The following TMEM232 variants were observed in gnomAD, a reference collection of about 807,000 sequenced individuals.
TMEM232 encodes transmembrane protein 232.
In TMEM232, 80 loss-of-function variants were observed where a neutral mutation model predicts 78.8. The observed-to-expected ratio is 1.01, with a 90% CI of 0.85 to 1.22. The LOEUF is 1.22. Ranked by LOEUF, TMEM232 falls within the 50% of genes most tolerant of loss-of-function variation. The probability of loss-of-function intolerance (pLI) is 0.00; values close to 1 mark genes in which losing one functional copy is unlikely to be tolerated. For missense variants in TMEM232, 881 were observed against 742.2 expected, an observed-to-expected ratio of 1.19 and a Z score of -2.17; for synonymous variants, 297 against 254.3, an observed-to-expected ratio of 1.17 and a Z score of -1.60.
At chr5:110,696,857 A>C (rs1326780879) in intron 1 of TMEM232, among the ~76,000 whole-genome samples, 1 of 152,172 alleles carries the variant, frequency 6.6e-6, no homozygotes, top group East Asian at 1.9e-4. Context: ...AATATCATGA[A>C]GATGGCCATA....
At chr5:110,407,297 A>G (rs958851440) in intron 2 of TMEM232, among the ~76,000 whole-genome samples, 2 of 152,110 alleles carry the variant, frequency 1.3e-5, no homozygotes, top group African/African-American at 4.8e-5. Flanking sequence ...TTGCCTCAAG[A>G]AACCCACATA....
intron 11 of TMEM232, among the ~76,000 whole-genome samples, chr5:110,529,874 T>A (rs572245453): frequency 6.6e-6 from 1 of 152,320 alleles, no homozygotes; most frequent in East Asian, 1.9e-4. Context: ...ATGTTACAAC[T>A]TTTTTATGTT....
intron 1 of TMEM232, among the ~76,000 whole-genome samples, chr5:110,718,013 T>A (rs1387211446): frequency 6.6e-6 from 1 of 152,144 alleles, no homozygotes; most frequent in East Asian, 1.9e-4. Context: ...ATATTGAATA[T>A]TTTTCTTAGA....
At chr5:110,728,103 C>T (rs985944072), upstream of TMEM232, among the ~76,000 whole-genome samples, 2 of 151,974 alleles carry the variant, frequency 1.3e-5, no homozygotes, top group African/African-American at 4.8e-5. Flanking sequence ...AAAAATTCTT[C>T]TCCATAATAT....
chr5:110,535,225 A>C lies in TMEM232; in HGVS notation c.1456-6390T>G, dbSNP rs183774862. 7.2e-3 allele frequency among the ~76,000 whole-genome samples: 1,092 copies of C among 152,110 alleles called. 12 individuals are homozygous for C. Among genetic ancestry groups the C allele is most frequent in the African/African-American group, 0.024 (1,013 of 41,522 alleles). The stretch of plus-strand genomic sequence containing the variant: ...ACTGATGACATTCCACCACAAAAGA[A>C]GTGAAAATGGCCTGTTCCTGCCTTA... On this transcript the variant is annotated intron_variant, in intron 11 of 13. Coordinates refer to ENST00000455884, the MANE Select transcript of TMEM232 (RefSeq NM_001039763.4).
chr5:110,477,510 TTGAAATA>T (rs1763378958), intron 12 of TMEM232, among the ~76,000 whole-genome samples: 1 of 151,998 alleles, frequency 6.6e-6, no homozygotes, highest in East Asian at 1.9e-4. Context: ...TGTCAGCAAG[TTGAAATA>T]TGAAAGTATA....
At chr5:110,526,837 T>C (rs1008044168) in intron 12 of TMEM232, among the ~76,000 whole-genome samples, 11 of 151,846 alleles carry the variant, frequency 7.2e-5, no homozygotes, top group Admixed American at 6.6e-4. Context: ...AAATAAATTA[T>C]GATATATCCA....
At chr5:110,738,442 G>GT (rs1319482007), upstream of TMEM232, among the ~76,000 whole-genome samples, 1 of 152,116 alleles carries the variant, frequency 6.6e-6, no homozygotes, top group Non-Finnish European at 1.5e-5. Context: ...CAGTATTCGA[G>GT]TACGTGGGTT....
At position 110,420,535 on chromosome 5, in the gene TMEM232, T is replaced by G. The variant is rs922668835; in HGVS notation, c.*45A>C. 40 of 1,218,846 alleles carry G rather than the reference T, an allele frequency of 3.3e-5. No individual in the cohort carries two copies. Among genetic ancestry groups the G allele is most frequent in the Non-Finnish European group, 5.4e-6 (5 of 927,960 alleles). The allele number at this position is 1,218,846 out of a possible 1,614,324, so 75.5% of individuals were successfully genotyped here. On this transcript the variant is annotated 3_prime_UTR_variant, in exon 14 of 14. Coordinates refer to ENST00000455884, the MANE Select transcript of TMEM232 (RefSeq NM_001039763.4). Reference sequence around the variant, plus strand: ...TGGTATTTTTCATCCTATGTATTTCTGCCATGTAGTCCTCAATTTTGGGAG... The same window carrying G: ...TGGTATTTTTCATCCTATGTATTTCGGCCATGTAGTCCTCAATTTTGGGAG...
chr5:110,706,008 T>G (rs1278342495), intron 1 of TMEM232, among the ~76,000 whole-genome samples: 2 of 152,006 alleles, frequency 1.3e-5, no homozygotes, highest in African/African-American at 4.8e-5. Flanking sequence ...ATATTTGATT[T>G]AAATTAAACG....
rs540517209 is a variant in TMEM232 at position 110,565,567 on chromosome 5, A to AG, written c.1455+2879_1455+2880insC. On this transcript the variant is annotated intron_variant, in intron 11 of 13. Transcript: ENST00000455884. ...AAAAATAAGAAAACTAAGGCTGAGGAATAACTTGTTCCAAGTCCCATCTGA... is the reference window on the plus strand; with the variant it reads ...AAAAATAAGAAAACTAAGGCTGAGGAGATAACTTGTTCCAAGTCCCATCTGA... Among the ~76,000 whole-genome samples, 17 of 152,110 alleles carry AG rather than the reference A, an allele frequency of 1.1e-4. No homozygotes were observed. The South Asian group carries it at 3.5e-3, about 32-fold the overall frequency.
chr5:110,693,075 T>C (rs1794331230), intron 1 of TMEM232, among the ~76,000 whole-genome samples: 1 of 152,030 alleles, frequency 6.6e-6, no homozygotes, highest in Non-Finnish European at 1.5e-5. Flanking sequence ...GTCTGACACC[T>C]CACATGGCCG....
chr5:110,468,147 G>A (rs951832441), intron 12 of TMEM232, among the ~76,000 whole-genome samples: 2 of 151,732 alleles, frequency 1.3e-5, no homozygotes, highest in Non-Finnish European at 2.9e-5. Flanking sequence ...ATAAAAAAAA[G>A]ATATATTACA....
chr5:110,401,825 C>T (rs1755612231), intron 2 of TMEM232, among the ~76,000 whole-genome samples: 1 of 151,992 alleles, frequency 6.6e-6, no homozygotes, highest in Non-Finnish European at 1.5e-5. Context: ...TAGAAAACAT[C>T]AGAAGATATA....
chr5:110,726,108 T>TCACACA (rs3985014), intron 1 of TMEM232, among the ~76,000 whole-genome samples: 9,280 of 144,558 alleles, frequency 0.064, 831 homozygotes, highest in African/African-American at 0.2. Flanking sequence ...CCTCTCTCTT[T>TCACACA]CACACACACA....
At chr5:110,706,059 T>C (rs147056573) in intron 1 of TMEM232, among the ~76,000 whole-genome samples, 117 of 152,078 alleles carry the variant, frequency 7.7e-4, no homozygotes, top group African/African-American at 2.3e-3. Flanking sequence ...AAGTTACTTC[T>C]AGGAAAAAAA....
intron 2 of TMEM232, among the ~76,000 whole-genome samples, chr5:110,411,359 AT>A (rs1466793526): frequency 3.3e-5 from 5 of 151,724 alleles, no homozygotes; most frequent in African/African-American, 1.2e-4. Flanking sequence ...TACTTTCTTC[AT>A]TTTTTCCATC....
At chr5:110,429,882 C>A (rs915504183) in intron 12 of TMEM232, 9 of 151,716 alleles carry the variant, frequency 5.9e-5, no homozygotes, top group Admixed American at 2.0e-4. Context: ...TTGTTTGGAA[C>A]CTTACCTTTT....
At chr5:110,544,901 C>A (rs1025825464) in intron 11 of TMEM232, among the ~76,000 whole-genome samples, 1 of 151,984 alleles carries the variant, frequency 6.6e-6, no homozygotes, top group Non-Finnish European at 1.5e-5. Context: ...TTTGTCTGCA[C>A]TTTATGGTTT....
Sources: allele counts gnomAD v4.1 joint callset (sites outside exome capture counted in the v4.1 genomes callset), GRCh38; gene constraint gnomAD v4.1.1; transcripts MANE v1.5; gene names NCBI Gene and HGNC (gene_info 2026-07-23, HGNC 2026-07-21).